The following TMLHE variants were observed in gnomAD, a reference collection of about 807,000 sequenced individuals.
The protein encoded by TMLHE is trimethyllysine dioxygenase, mitochondrial.
In TMLHE, 18 loss-of-function variants were observed where a neutral mutation model predicts 25.7. The observed-to-expected ratio is 0.70, with a 90% CI of 0.48 to 1.04. The LOEUF (loss-of-function observed/expected upper bound fraction) is 1.04, where lower values mean the gene tolerates loss of function less well. TMLHE is among the 50% of genes least tolerant of loss of function. TMLHE has a pLI of 0.00. For synonymous variants in TMLHE, 105 were observed against 97.0 expected (o/e 1.08, Z -0.49); for missense variants, 236 against 259.0 (o/e 0.91, Z 0.61).
At chrX:155,594,230 C>G (rs193266064) in intron 1 of TMLHE, among the ~76,000 whole-genome samples, 344 of 111,937 alleles carry the variant, frequency 3.1e-3, no homozygotes, top group African/African-American at 0.011. Flanking sequence ...ATCAATATGG[C>G]TATCAGCATA....
intron 1 of TMLHE, among the ~76,000 whole-genome samples, chrX:155,547,854 T>A (rs1173381183): frequency 9.0e-6 from 1 of 111,434 alleles, no homozygotes; most frequent in Non-Finnish European, 1.9e-5. Flanking sequence ...TGATGAGGTT[T>A]GGCATATACA....
intron 1 of TMLHE, among the ~76,000 whole-genome samples, chrX:155,549,670 T>C (rs893130892): frequency 6.3e-5 from 7 of 110,292 alleles, no homozygotes; most frequent in Non-Finnish European, 1.3e-4. Flanking sequence ...GAGGAATACA[T>C]GGTCTGGTGT....
intron 1 of TMLHE, among the ~76,000 whole-genome samples, chrX:155,605,695 C>T (rs1362640160): frequency 4.5e-5 from 5 of 111,787 alleles, no homozygotes; most frequent in Non-Finnish European, 9.4e-5. Context: ...ATCAAGTGTA[C>T]ATAATAACTA....
chrX:155,592,358 GC>G lies in TMLHE; in HGVS notation c.-2+20433del, dbSNP rs1476362149. Among the ~76,000 whole-genome samples, 4 of 112,044 alleles carry G rather than the reference GC, an allele frequency of 3.6e-5. No homozygotes were observed. In the East Asian group the frequency reaches 1.1e-3, roughly 31 times the overall value. On this transcript the variant is annotated intron_variant, in intron 1 of 7. Coordinates refer to ENST00000334398, the MANE Select transcript of TMLHE (RefSeq NM_018196.4). Reference sequence around the variant, plus strand: ...GGCTTTACTTCTCTCCATAGAAAGTGCAACTAGCAACTATCAACAGACCAAA... The same window carrying G: ...GGCTTTACTTCTCTCCATAGAAAGTGAACTAGCAACTATCAACAGACCAAA...
intron 1 of TMLHE, among the ~76,000 whole-genome samples, chrX:155,580,107 C>G (rs2067616463): frequency 9.0e-6 from 1 of 111,620 alleles, no homozygotes; most frequent in African/African-American, 3.3e-5. Flanking sequence ...AGCCAGCACT[C>G]AAATTCACAA....
chrX:155,548,554 T>G (rs190810771), intron 1 of TMLHE, among the ~76,000 whole-genome samples: 17 of 107,032 alleles, frequency 1.6e-4, no homozygotes, highest in South Asian at 3.9e-4. Context: ...ACTAACATGG[T>G]GAAACCCTGT....
intron 3 of TMLHE, among the ~76,000 whole-genome samples, chrX:155,524,098 GT>G: frequency 9.0e-6 from 1 of 111,297 alleles, no homozygotes; most frequent in Non-Finnish European, 1.9e-5. Context: ...CAAATAAAGA[GT>G]TTTATGTATG....
In TMLHE at chrX:155,572,414, G is replaced by T. The variant is rs1306727352; in HGVS notation, c.-1-27137C>A. Among the ~76,000 whole-genome samples the T allele has an allele frequency of 2.9e-4, 16 of 55,555 alleles. 3 individuals carry two copies. Among genetic ancestry groups the T allele is most frequent in the African/African-American group, 6.9e-4 (16 of 23,043 alleles). The allele number at this position is 55,555 out of a possible 115,157, so 48.2% of individuals were successfully genotyped here. On this transcript the variant is annotated intron_variant, in intron 1 of 7. Transcript: ENST00000334398. ...TCGTGAAAATGGCCATACTGCCCAAGGTAATTTATAGATTCAATGCCATCC... is the reference window on the plus strand; with the variant it reads ...TCGTGAAAATGGCCATACTGCCCAATGTAATTTATAGATTCAATGCCATCC...
At chrX:155,541,628 T>C (rs1014152509) in intron 2 of TMLHE, among the ~76,000 whole-genome samples, 2 of 111,877 alleles carry the variant, frequency 1.8e-5, no homozygotes, top group Admixed American at 1.9e-4. Context: ...CACACTGTCT[T>C]CCACAATGGT....
intron 1 of TMLHE, among the ~76,000 whole-genome samples, chrX:155,601,236 G>A (rs1376701839): frequency 2.7e-5 from 3 of 111,957 alleles, no homozygotes; most frequent in Non-Finnish European, 5.6e-5. Context: ...ACACCAGATG[G>A]TAACTTGAAT....
chrX:155,560,627 T>C (rs781957002), intron 1 of TMLHE, among the ~76,000 whole-genome samples: 2 of 53,916 alleles, frequency 3.7e-5, no homozygotes, highest in South Asian at 2.6e-3. Flanking sequence ...GCAGAGGGGA[T>C]AGCCAATGCA....
chrX:155,598,521 G>A (rs1271166461), intron 1 of TMLHE, among the ~76,000 whole-genome samples: 1 of 89,330 alleles, frequency 1.1e-5, no homozygotes, highest in African/African-American at 4.3e-5. Context: ...ATGGACGTAG[G>A]AAGGGGAACA....
At chrX:155,611,306 T>C (rs1404855462) in intron 1 of TMLHE, among the ~76,000 whole-genome samples, 3 of 110,994 alleles carry the variant, frequency 2.7e-5, no homozygotes, top group African/African-American at 9.9e-5. Context: ...ATCACAGTGG[T>C]GCCCAACTGA....
chrX:155,608,904 G>C (rs2067803032), intron 1 of TMLHE, among the ~76,000 whole-genome samples: 1 of 112,064 alleles, frequency 8.9e-6, no homozygotes, highest in Middle Eastern at 4.6e-3. Flanking sequence ...TGTTGGCGAT[G>C]GTGCAAAGAA....
intron 5 of TMLHE, among the ~76,000 whole-genome samples, chrX:155,510,319 T>C (rs1408491913): frequency 4.7e-5 from 5 of 106,695 alleles, no homozygotes; most frequent in Non-Finnish European, 7.7e-5. Flanking sequence ...TACATATGTA[T>C]ACATGTGCCA....
Position 155,514,171 on chromosome X carries a change from T to C in TMLHE, c.453A>G (p.Leu151=), listed in dbSNP as rs1236304391. 1.7e-6 allele frequency: 2 copies of C among 1,209,346 alleles called. No individual in the cohort carries two copies. The highest frequency in any genetic ancestry group is 1.7e-5 in the African/African-American group (1 of 57,145). ...CTTGCTGGTAGATTTCAGCATTCCA[T>C]AGTATTCTAGGCTGGATGACTTTTT... The part of the protein sequence containing the change: ...QKQKVIQPRI[L]WNAEIYQQAQ... Residue 151 remains leucine (L), a synonymous_variant, in exon 4 of 8, where the codon CTA becomes CTG. Coordinates refer to ENST00000334398, the MANE Select transcript of TMLHE (RefSeq NM_018196.4).
chrX:155,534,226 C>T (rs781789798), intron 2 of TMLHE, among the ~76,000 whole-genome samples: 6 of 111,835 alleles, frequency 5.4e-5, no homozygotes, highest in Admixed American at 1.9e-4. Context: ...TAGAGATCAT[C>T]GGGGCTGCCA....
chrX:155,587,173 A>C (rs2067669945), intron 1 of TMLHE, among the ~76,000 whole-genome samples: 1 of 112,175 alleles, frequency 8.9e-6, no homozygotes, highest in Non-Finnish European at 1.9e-5. Context: ...CACCACAATC[A>C]AGTGAGATTT....
chrX:155,560,577 AGGAGTTAG>A (rs1569562166), intron 1 of TMLHE, among the ~76,000 whole-genome samples: 1 of 35,968 alleles, frequency 2.8e-5, no homozygotes, highest in African/African-American at 4.7e-5. Flanking sequence ...TGATCAAAGG[AGGAGTTAG>A]TCATAAGGAT....
Sources: gnomAD v4.1 joint callset for allele counts (sites outside exome capture counted in the v4.1 genomes callset) on GRCh38, gnomAD v4.1.1 for gene constraint, MANE v1.5 for transcripts, NCBI Gene and HGNC (gene_info 2026-07-23, HGNC 2026-07-21) for gene names.